The following TTLL5 variants were observed in gnomAD, a reference collection of about 807,000 sequenced individuals.
TTLL5 encodes the protein tubulin polyglutamylase TTLL5.
TTLL5 carries 132 observed loss-of-function variants against 168.4 expected under a neutral mutation model. That is an observed-to-expected ratio of 0.78 (90% confidence interval 0.68 to 0.91). TTLL5 has a LOEUF of 0.91. TTLL5 is among the 40% of genes least tolerant of loss of function. The probability of loss-of-function intolerance (pLI) is 0.00; values close to 1 mark genes in which losing one functional copy is unlikely to be tolerated. For synonymous variants in TTLL5, 546 were observed against 558.6 expected (o/e 0.98, Z 0.32); for missense variants, 1,545 against 1,581.5 (o/e 0.98, Z 0.39).
intron 7 of TTLL5, 107 bp from the exon 8 acceptor site, chr14:75,706,911 A>T: frequency 1.1e-6 from 1 of 928,586 alleles, no homozygotes; most frequent in Non-Finnish European, 1.7e-6. Flanking sequence ...CCAGAATTTT[A>T]GTTTTCCACC....
intron 24 of TTLL5, 98 bp downstream of exon 24, chr14:75,779,800 T>C (rs1891937763): frequency 7.8e-7 from 1 of 1,275,622 alleles, no homozygotes. Context: ...TAAGCACTAA[T>C]AGTCCCCAAG....
chr14:75,757,998 T>C, intron 18 of TTLL5: 1 of 979,774 alleles, frequency 1.0e-6, no homozygotes, highest in Non-Finnish European at 1.3e-6. Context: ...TAAAAATTTT[T>C]TCTATTGAAA....
At chr14:75,687,498 T>C (rs976513776) in intron 5 of TTLL5, among the ~76,000 whole-genome samples, 1 of 152,144 alleles carries the variant, frequency 6.6e-6, no homozygotes, top group Admixed American at 6.5e-5. Flanking sequence ...GGTCTCGAAC[T>C]CCTGACCTCA....
chr14:75,757,777 G>C, intron 18 of TTLL5: 1 of 1,514,610 alleles, frequency 6.6e-7, no homozygotes, highest in Non-Finnish European at 8.9e-7. Flanking sequence ...GTGAACTTAA[G>C]AGAGACTACC....
At position 75,752,822 on chromosome 14, in the gene TTLL5, C is replaced by G. The variant is rs1890031743; in HGVS notation, c.1488-71C>G. ...ACCCCTGTTATTTCTGTGCTTGATT[C>G]ATGGTTGTATTTCTACATTTTCCTC... On this transcript the variant is annotated intron_variant, in intron 17 of 31. Coordinates refer to ENST00000298832, the MANE Select transcript of TTLL5 (RefSeq NM_015072.5). The G allele has an allele frequency of 6.4e-6, 9 of 1,411,270 alleles. No individual in the cohort carries two copies. In the Middle Eastern group the frequency reaches 5.3e-4, roughly 83 times the overall value. 87.4% of individuals were successfully genotyped at this position (1,411,270 alleles called of 1,614,324 possible). A position where few individuals can be genotyped will look rare whatever the true frequency, so the allele number is the denominator to read the frequency against.
At chr14:75,749,932 T>C (rs1430874769) in intron 17 of TTLL5, among the ~76,000 whole-genome samples, 1 of 152,216 alleles carries the variant, frequency 6.6e-6, no homozygotes, top group Non-Finnish European at 1.5e-5. Flanking sequence ...ATAATAAGAA[T>C]AGCTTTATTA....
intron 30 of TTLL5, chr14:75,887,449 T>C (rs1323992756): frequency 5.0e-5 from 26 of 517,642 alleles, no homozygotes; most frequent in Non-Finnish European, 6.2e-5. Context: ...CTTTTTATTA[T>C]GTGCAGTTTC....
At chr14:75,688,154 G>A (rs1346000180) in intron 5 of TTLL5, among the ~76,000 whole-genome samples, 1 of 152,104 alleles carries the variant, frequency 6.6e-6, no homozygotes, top group Non-Finnish European at 1.5e-5. Context: ...GGTAGCTTCC[G>A]GATGGGGATT....
chr14:75,860,268 A>G (rs1897332424), intron 28 of TTLL5, among the ~76,000 whole-genome samples: 1 of 152,168 alleles, frequency 6.6e-6, no homozygotes, highest in African/African-American at 2.4e-5. Context: ...AAACCTGTCC[A>G]TGATCATCCC....
chr14:75,765,981 C>A (rs1890953909), intron 19 of TTLL5, 81 bp from the exon 20 acceptor site: 2 of 1,330,702 alleles, frequency 1.5e-6, no homozygotes. Flanking sequence ...TGGGCTTTTA[C>A]TAAAAAGAGA....
At chr14:75,950,063 A>G (rs1253351692) in intron 31 of TTLL5, among the ~76,000 whole-genome samples, 8 of 152,202 alleles carry the variant, frequency 5.3e-5, no homozygotes, top group Non-Finnish European at 1.5e-5. Flanking sequence ...AATTACCATC[A>G]AGCTAACATG....
intron 28 of TTLL5, among the ~76,000 whole-genome samples, chr14:75,834,360 C>T (rs1371193177): frequency 6.6e-6 from 1 of 152,094 alleles, no homozygotes; most frequent in Non-Finnish European, 1.5e-5. Context: ...CTTGGTATGC[C>T]ATGTTAAAGG....
intron 15 of TTLL5, among the ~76,000 whole-genome samples, chr14:75,736,179 C>T (rs1159331159): frequency 2.0e-5 from 3 of 152,116 alleles, no homozygotes; most frequent in Admixed American, 1.3e-4. Flanking sequence ...TCTTTGAAGG[C>T]ATAAGCAGCT....
chr14:75,864,664 T>C (rs1434726815), intron 29 of TTLL5, among the ~76,000 whole-genome samples: 1 of 152,216 alleles, frequency 6.6e-6, no homozygotes, highest in African/African-American at 2.4e-5. Flanking sequence ...AGGATCATCA[T>C]TAGAATAGTT....
intron 27 of TTLL5, among the ~76,000 whole-genome samples, chr14:75,799,220 C>G (rs1037585884): frequency 3.3e-5 from 5 of 152,104 alleles, no homozygotes; most frequent in African/African-American, 1.2e-4. Flanking sequence ...TACGTAATGT[C>G]CCTCTTTGTC....
rs115942255 is a variant in TTLL5 at position 75,952,339 on chromosome 14, C to T, written c.3824-2085C>T. On this transcript the variant is annotated intron_variant, in intron 31 of 31. Coordinates refer to ENST00000298832, the MANE Select transcript of TTLL5 (RefSeq NM_015072.5). ...AAAAAAAGAAAAAGGAAAAACACAGCAGTGTATCACTTCATGCCCACCAGA... is the reference window on the plus strand; with the variant it reads ...AAAAAAAGAAAAAGGAAAAACACAGTAGTGTATCACTTCATGCCCACCAGA... Among the ~76,000 whole-genome samples the T allele has an allele frequency of 4.7e-3, 717 of 152,242 alleles. 7 individuals carry two copies. Among genetic ancestry groups the T allele is most frequent in the African/African-American group, 0.016 (683 of 41,542 alleles).
rs371510909 is a variant in TTLL5, at chr14:75,800,885, C to A, written c.3171+7785C>A. ...CTGGTGGAGGTAGCAGGGGAGTGAG[C>A]TCTGTGGACTCTGTGAGGGTCCTTT... On this transcript the variant is annotated intron_variant, in intron 27 of 31. Transcript: ENST00000298832. Among the ~76,000 whole-genome samples the A allele has an allele frequency of 4.6e-5, 7 of 152,216 alleles. No individual in the cohort carries two copies. In the East Asian group the frequency reaches 9.7e-4, roughly 21 times the overall value.
rs141801319 is a variant in TTLL5, at chr14:75,871,828, C to T, written c.3522+7966C>T. 1.0e-3 allele frequency among the ~76,000 whole-genome samples: 158 copies of T among 152,292 alleles called. 3 individuals are homozygous for T. In the East Asian group the frequency reaches 0.029, roughly 28 times the overall value. ...CAGTAAGGTCTGTATAAGATATGCA[C>T]AGTAAACCAACCATGTGAGATCCTG... is the stretch of plus-strand genomic sequence containing the variant. On this transcript the variant is annotated intron_variant, in intron 29 of 31. Transcript: ENST00000298832.
At chr14:75,805,385 T>C (rs188068020) in intron 27 of TTLL5, among the ~76,000 whole-genome samples, 1 of 152,324 alleles carries the variant, frequency 6.6e-6, no homozygotes, top group Non-Finnish European at 1.5e-5. Flanking sequence ...GTGGCTCTGG[T>C]TGAAGAAGGT....
Sources: allele counts gnomAD v4.1 joint callset (sites outside exome capture counted in the v4.1 genomes callset), GRCh38; gene constraint gnomAD v4.1.1; transcripts MANE v1.5; gene names NCBI Gene and HGNC (gene_info 2026-07-23, HGNC 2026-07-21).